Variants in XKR6 observed in about 807,000 individuals in gnomAD.
XKR6 encodes the protein XK related 6.
In XKR6, 22 loss-of-function variants were observed where a neutral mutation model predicts 56.7. The ratio of observed to expected loss-of-function variants is 0.39; its 90% CI spans 0.28 to 0.55. The LOEUF is 0.55. Among genes scored for constraint, XKR6 ranks in the 20% least tolerant of loss-of-function variants. XKR6 has a pLI of 0.66. For missense variants in XKR6, 852 were observed against 889.0 expected, an observed-to-expected ratio of 0.96 and a Z score of 0.53; for synonymous variants, 524 against 387.8, an observed-to-expected ratio of 1.35 and a Z score of -4.13.
intron 1 of XKR6, among the ~76,000 whole-genome samples, chr8:11,094,444 C>G (rs1233996066): frequency 6.6e-6 from 1 of 152,166 alleles, no homozygotes. Context: ...CCCCCTTCAA[C>G]CTCCCAAAGT....
chr8:10,929,155 C>T (rs1052128217), intron 1 of XKR6, among the ~76,000 whole-genome samples: 4 of 152,216 alleles, frequency 2.6e-5, no homozygotes, highest in African/African-American at 7.2e-5. Flanking sequence ...GGTGAGTGAC[C>T]TCACAGAGCA....
At chr8:11,154,698 T>A (rs1801428244) in intron 1 of XKR6, among the ~76,000 whole-genome samples, 1 of 152,244 alleles carries the variant, frequency 6.6e-6, no homozygotes, top group African/African-American at 2.4e-5. Flanking sequence ...TACAGTTTTC[T>A]TGAAAATTAA....
In XKR6 at chr8:11,140,975, AT is replaced by A. The variant is rs577164652; in HGVS notation, c.764+59600del. Among the ~76,000 whole-genome samples the A allele has an allele frequency of 7.2e-5, 11 of 152,110 alleles. 1 individual carries two copies. The South Asian group carries it at 2.3e-3, about 32-fold the overall frequency. On this transcript the variant is annotated intron_variant, in intron 1 of 2. Coordinates refer to ENST00000416569, the MANE Select transcript of XKR6 (RefSeq NM_173683.4). ...AGAAAATCAACATCACTCCAAAGAC[AT>A]ATATGAAAGACTGCTGTGAGTATAA...
At chr8:10,979,238 C>T (rs1797669175) in intron 1 of XKR6, among the ~76,000 whole-genome samples, 1 of 152,060 alleles carries the variant, frequency 6.6e-6, no homozygotes, top group African/African-American at 2.4e-5. Flanking sequence ...GCCCACTAGC[C>T]TACTCCCCCA....
chr8:11,081,621 C>T (rs889199803), intron 1 of XKR6, among the ~76,000 whole-genome samples: 1 of 152,142 alleles, frequency 6.6e-6, no homozygotes, highest in African/African-American at 2.4e-5. Context: ...TAACTTCACT[C>T]AGCCTGAATT....
chr8:11,124,126 A>C (rs976784049), intron 1 of XKR6: 4 of 399,172 alleles, frequency 1.0e-5, no homozygotes, highest in Non-Finnish European at 2.0e-5. Context: ...TATCTTCCCT[A>C]CTAGAATGAT....
At chr8:11,107,919 A>T (rs1376644115) in intron 1 of XKR6, 1 of 256,070 alleles carries the variant, frequency 3.9e-6, no homozygotes, top group Non-Finnish European at 7.5e-6. Flanking sequence ...GCTGCCTGGG[A>T]CGCCTCCCGC....
chr8:11,063,489 C>T (rs1241165736), intron 1 of XKR6, among the ~76,000 whole-genome samples: 1 of 149,236 alleles, frequency 6.7e-6, no homozygotes, highest in Non-Finnish European at 1.5e-5. Context: ...TCCCCAGCTC[C>T]CCAGGTGACA....
At chr8:10,918,791 C>T (rs1195910036) in intron 2 of XKR6, among the ~76,000 whole-genome samples, 1 of 152,174 alleles carries the variant, frequency 6.6e-6, no homozygotes, top group Non-Finnish European at 1.5e-5. Context: ...CAGTGAGAAA[C>T]CACCACCTCT....
At chr8:10,984,732 C>CTCTCTCTCTCTCTCTATATATATA in intron 1 of XKR6, among the ~76,000 whole-genome samples, 119 of 47,436 alleles carry the variant, frequency 2.5e-3, no homozygotes, top group Non-Finnish European at 3.8e-3. Flanking sequence ...CTCTCTCTCT[C>CTCTCTCTCTCTCTCTATATATATA]TATATATATA....
At chr8:10,904,168 T>C (rs1009465704) in intron 2 of XKR6, among the ~76,000 whole-genome samples, 4 of 152,178 alleles carry the variant, frequency 2.6e-5, no homozygotes, top group African/African-American at 9.7e-5. Flanking sequence ...AGCAGTGACC[T>C]TCACAGCTCC....
chr8:10,938,794 A>T (rs1801304012), intron 1 of XKR6, among the ~76,000 whole-genome samples: 2 of 152,212 alleles, frequency 1.3e-5, no homozygotes, highest in Non-Finnish European at 2.9e-5. Flanking sequence ...CCGCGTATGC[A>T]CTGAAACTCA....
intron 1 of XKR6, among the ~76,000 whole-genome samples, chr8:11,023,787 C>T (rs1342221326): frequency 1.3e-5 from 2 of 152,222 alleles, no homozygotes; most frequent in African/African-American, 4.8e-5. Context: ...GCTGCGGAGC[C>T]ACCTGCGGTG....
intron 2 of XKR6, among the ~76,000 whole-genome samples, chr8:10,899,961 T>C (rs1270438579): frequency 6.6e-6 from 1 of 152,138 alleles, no homozygotes; most frequent in Non-Finnish European, 1.5e-5. Flanking sequence ...ATTATTCGAG[T>C]GCTGTCATAC....
chr8:11,049,056 G>T (rs762619058), intron 1 of XKR6, among the ~76,000 whole-genome samples: 2 of 152,230 alleles, frequency 1.3e-5, no homozygotes, highest in Non-Finnish European at 2.9e-5. Context: ...TATTCTGGAG[G>T]TCACCCTGCT....
At position 11,056,446 on chromosome 8, in the gene XKR6, G is replaced by C. The variant is rs112150617; in HGVS notation, c.765-131616C>G. 1.9e-3 allele frequency among the ~76,000 whole-genome samples: 291 copies of C among 152,256 alleles called. 2 individuals are homozygous for C. Among genetic ancestry groups the C allele is most frequent in the African/African-American group, 6.0e-3 (248 of 41,568 alleles). On this transcript the variant is annotated intron_variant, in intron 1 of 2. Coordinates refer to ENST00000416569, the MANE Select transcript of XKR6 (RefSeq NM_173683.4). ...GGGTAAACATCCCCTGTGTTCACCC[G>C]GAAAGTGTCAAAAGGGTGGGCAGAC... is the stretch of plus-strand genomic sequence containing the variant.
At chr8:11,133,711 G>T (rs753520452) in intron 1 of XKR6, among the ~76,000 whole-genome samples, 1 of 151,408 alleles carries the variant, frequency 6.6e-6, no homozygotes, top group Non-Finnish European at 1.5e-5. Flanking sequence ...ACCCTATGTT[G>T]AAAATCCTCC....
intron 1 of XKR6, among the ~76,000 whole-genome samples, chr8:11,053,347 C>T (rs373599776): frequency 6.6e-6 from 1 of 152,210 alleles, no homozygotes; most frequent in Non-Finnish European, 1.5e-5. Flanking sequence ...AACCATCTCC[C>T]GTGAGCGGCC....
intron 1 of XKR6, among the ~76,000 whole-genome samples, chr8:11,022,060 C>T (rs1798760676): frequency 6.6e-6 from 1 of 150,754 alleles, no homozygotes; most frequent in African/African-American, 2.4e-5. Flanking sequence ...GAGTTCATGG[C>T]CCACTGGGGA....
Sources: allele counts gnomAD v4.1 joint callset (sites outside exome capture counted in the v4.1 genomes callset), GRCh38; gene constraint gnomAD v4.1.1; transcripts MANE v1.5; gene names NCBI Gene and HGNC (gene_info 2026-07-23, HGNC 2026-07-21).